The following DET1 variants were observed in gnomAD, a reference collection of about 807,000 sequenced individuals.
DET1 encodes the protein DET1 partner of COP1 E3 ubiquitin ligase.
In DET1, 22 loss-of-function variants were observed where a neutral mutation model predicts 43.7. That is an observed-to-expected ratio of 0.50 (90% CI 0.36 to 0.72). DET1 has a LOEUF of 0.72. Among genes scored for constraint, DET1 ranks in the 30% least tolerant of loss-of-function variants. The probability of loss-of-function intolerance (pLI) is 0.00; values close to 1 mark genes in which losing one functional copy is unlikely to be tolerated. For missense variants in DET1, 713 were observed against 713.3 expected (o/e 1.00, Z 0.00); for synonymous variants, 315 against 266.2 (o/e 1.18, Z -1.79).
intron 1 of DET1, among the ~76,000 whole-genome samples, chr15:88,541,887 T>TCCCCTGTGGGCTCACCGCCCAATTGC (rs1486272248): frequency 6.6e-6 from 1 of 152,120 alleles, no homozygotes; most frequent in Non-Finnish European, 1.5e-5. Flanking sequence ...CGAGGAGACG[T>TCCCCTGTGGGCTCACCGCCCAATTGC]CCCCTGTGGG....
intron 4 of DET1, among the ~76,000 whole-genome samples, chr15:88,515,714 T>A (rs1396885066): frequency 2.6e-5 from 4 of 152,040 alleles, no homozygotes; most frequent in South Asian, 4.2e-4. Context: ...GTTAATTTTT[T>A]AAAGATGGGG....
chr15:88,533,852 TAA>T (rs368408722), intron 1 of DET1, among the ~76,000 whole-genome samples: 2 of 39,218 alleles, frequency 5.1e-5, no homozygotes, highest in Non-Finnish European at 1.1e-4. Context: ...ACCCAATCTC[TAA>T]AAAAAAAAAA....
At position 88,530,964 on chromosome 15, in the gene DET1, C is replaced by T. The variant is rs765442473; in HGVS notation, c.742G>A (p.Gly248Ser). ...ATGGTCCGCACATCAATGAAAGTGC[C>T]TTCAGGAGTCACCTGGAAGACATGG... is the stretch of plus-strand genomic sequence containing the variant. Reference protein sequence around the residue: ...TIHVFQVTPEGTFIDVRTIGR... With the variant: ...TIHVFQVTPESTFIDVRTIGR... Residue 248 changes from glycine to serine, a missense_variant, in exon 2 of 5, where the codon GGC (glycine) becomes AGC (serine). Transcript: ENST00000268148. 1.2e-6 allele frequency: 2 copies of T among 1,613,992 alleles called. No individual in the cohort carries two copies.
intron 3 of DET1, among the ~76,000 whole-genome samples, chr15:88,526,271 C>G (rs2056660639): frequency 6.6e-6 from 1 of 152,208 alleles, no homozygotes; most frequent in Non-Finnish European, 1.5e-5. Flanking sequence ...GATTCATCCA[C>G]TCACTGTGGT....
chr15:88,505,973 G>GC (rs2056135963), intron 7 of DET1, among the ~76,000 whole-genome samples: 1 of 152,118 alleles, frequency 6.6e-6, no homozygotes, highest in Admixed American at 6.5e-5. Flanking sequence ...ACATGGGTGG[G>GC]CAGGGGTTGG....
Position 88,524,160 on chromosome 15 carries a change from C to T in DET1, c.1271+3439G>A, listed in dbSNP as rs151076462. On this transcript the variant is annotated intron_variant, in intron 3 of 4. Coordinates refer to ENST00000268148, the MANE Select transcript of DET1 (RefSeq NM_001144074.3). ...CGGGGATGTAAGGAGCGCCTCTGTC[C>T]GGCCGCGACCCCGTCTGGGAACTGA... 5.3e-3 allele frequency among the ~76,000 whole-genome samples: 801 copies of T among 151,954 alleles called. 6 individuals carry two copies. The highest frequency in any genetic ancestry group is 6.8e-3 in the Middle Eastern group (2 of 294).
chr15:88,531,664 T>C lies in DET1; in HGVS notation c.42A>G (p.Gln14=). Residue 14 remains glutamine, a synonymous_variant, in exon 2 of 5, where the codon CAA becomes CAG. Transcript: ENST00000268148. This position sits in a 1 kb window ranked among gnomAD's most constrained non-coding sequence, Gnocchi z 6.2. ...CCAAGCGGTGAATGACATTTTGGTT[T>C]TGGATTCTTCGAGGCTTGATGGTAG... ...HVSTIKPRRI[Q]NQNVIHRLER... 1 of 1,612,576 alleles carries C rather than the reference T, an allele frequency of 6.2e-7. No homozygotes were observed. Among genetic ancestry groups the C allele is most frequent in the Non-Finnish European group, 8.5e-7 (1 of 1,178,602 alleles).
chr15:88,537,243 A>G (rs2056976912), intron 1 of DET1, among the ~76,000 whole-genome samples: 1 of 152,224 alleles, frequency 6.6e-6, no homozygotes, highest in South Asian at 2.1e-4. Context: ...TAAAACGTTT[A>G]TTTCAATTAT....
intron 1 of DET1, among the ~76,000 whole-genome samples, chr15:88,541,568 C>T (rs2142342752): frequency 6.6e-6 from 1 of 152,284 alleles, no homozygotes; most frequent in South Asian, 2.1e-4. Flanking sequence ...AAGGCAAGCT[C>T]CGGACACTCT....
At chr15:88,540,140 C>T (rs924574934) in intron 1 of DET1, among the ~76,000 whole-genome samples, 2 of 151,742 alleles carry the variant, frequency 1.3e-5, no homozygotes, top group Non-Finnish European at 2.9e-5. Context: ...GCTCTCGCTC[C>T]TTGAACCCTT....
chr15:88,518,258 T>C (rs761470661), intron 3 of DET1, among the ~76,000 whole-genome samples: 27 of 152,112 alleles, frequency 1.8e-4, no homozygotes, highest in Non-Finnish European at 4.0e-4. Context: ...CTAAATTTAA[T>C]ACTCTTTGAC....
Position 88,513,159 on chromosome 15 carries a change from G to C in DET1, c.1464-19C>G. On this transcript the variant is annotated intron_variant, in intron 4 of 4. Transcript: ENST00000268148. ...ATAGAACCTAAAAAGAACAAGGACA[G>C]AGACAGAGAAAGAGGGGACAGGATT... is the stretch of plus-strand genomic sequence containing the variant. The C allele has an allele frequency of 1.9e-6, 3 of 1,591,182 alleles. No individual in the cohort carries two copies. Among genetic ancestry groups the C allele is most frequent in the Non-Finnish European group, 2.6e-6 (3 of 1,167,116 alleles).
At chr15:88,524,388 C>T (rs1451995051) in intron 3 of DET1, among the ~76,000 whole-genome samples, 6 of 151,732 alleles carry the variant, frequency 4.0e-5, no homozygotes, top group African/African-American at 1.2e-4. Flanking sequence ...AGGTGGGGGG[C>T]GCCTCTGCCC....
At chr15:88,537,153 T>G (rs1232124551) in intron 1 of DET1, among the ~76,000 whole-genome samples, 1 of 152,208 alleles carries the variant, frequency 6.6e-6, no homozygotes, top group African/African-American at 2.4e-5. Flanking sequence ...ATCAATTTAG[T>G]GAATAGTATT....
rs2056424988 is a variant in DET1 at position 88,519,187 on chromosome 15, C to T, written c.1272-2214G>A. 3.3e-5 allele frequency among the ~76,000 whole-genome samples: 5 copies of T among 152,196 alleles called. No individual in the cohort carries two copies. The South Asian group carries it at 1.0e-3, about 31-fold the overall frequency. On this transcript the variant is annotated intron_variant, in intron 3 of 4. Transcript: ENST00000268148. ...TAATCTACAAGTTGAAACAGTTCCT[C>T]TTCCTCCACAGCACCTACCACCTCC...
At chr15:88,540,163 T>C (rs187209458) in intron 1 of DET1, among the ~76,000 whole-genome samples, 14 of 152,198 alleles carry the variant, frequency 9.2e-5, no homozygotes, top group African/African-American at 2.9e-4. Context: ...AAGAAAGAGC[T>C]AAATTTAAGC....
intron 1 of DET1, chr15:88,536,464 G>A (rs1206990897): frequency 1.6e-6 from 1 of 627,892 alleles, no homozygotes. Context: ...TGAAGAATAA[G>A]AATACACTAA....
At chr15:88,545,499 A>T (rs1285243304) in intron 1 of DET1, among the ~76,000 whole-genome samples, 1 of 152,332 alleles carries the variant, frequency 6.6e-6, no homozygotes, top group African/African-American at 2.4e-5. Flanking sequence ...CCTGGTATCA[A>T]AACATGTTCC....
At chr15:88,535,353 A>G (rs1241615401) in intron 1 of DET1, among the ~76,000 whole-genome samples, 1 of 152,118 alleles carries the variant, frequency 6.6e-6, no homozygotes, top group Non-Finnish European at 1.5e-5. Context: ...AAATAAAAAG[A>G]CTGAAAAAAA....
Sources: allele counts gnomAD v4.1 joint callset (sites outside exome capture counted in the v4.1 genomes callset), GRCh38; gene constraint gnomAD v4.1.1; non-coding constraint Gnocchi (gnomAD v3.1); transcripts MANE v1.5; gene names NCBI Gene and HGNC (gene_info 2026-07-23, HGNC 2026-07-21).